EIF4E3: variants seen among roughly 807,000 people sequenced by gnomAD.
EIF4E3 encodes eukaryotic translation initiation factor 4E family member 3.
EIF4E3 carries 26 observed loss-of-function variants against 31.7 expected under a neutral mutation model. The ratio of observed to expected loss-of-function variants is 0.82; its 90% CI spans 0.60 to 1.14. EIF4E3 has a LOEUF of 1.14. Among genes scored for constraint, EIF4E3 ranks in the 50% most tolerant of loss-of-function variants. The pLI is 0.00. For missense variants in EIF4E3, 304 were observed against 270.9 expected, an observed-to-expected ratio of 1.12 and a Z score of -0.86; for synonymous variants, 128 against 107.7, an observed-to-expected ratio of 1.19 and a Z score of -1.17.
chr3:71,734,372 G>A (rs2049739829), intron 1 of EIF4E3, among the ~76,000 whole-genome samples: 2 of 152,072 alleles, frequency 1.3e-5, no homozygotes, highest in East Asian at 3.8e-4. Context: ...AAACCTACCA[G>A]GTCACTCAGA....
intron 4 of EIF4E3, 87 bp downstream of exon 4, chr3:71,696,373 G>C (rs1469734749): frequency 4.8e-6 from 7 of 1,454,440 alleles, no homozygotes; most frequent in Non-Finnish European, 6.7e-6. Context: ...AGGTAAATAG[G>C]CTATCTGCAA....
chr3:71,733,114 G>A (rs887242865), intron 1 of EIF4E3, among the ~76,000 whole-genome samples: 1 of 152,186 alleles, frequency 6.6e-6, no homozygotes, highest in African/African-American at 2.4e-5. Context: ...GTGAACAACT[G>A]TCCCAATTTG....
chr3:71,719,185 T>C lies in EIF4E3; in HGVS notation c.176+6007A>G, dbSNP rs1205579905. ...ATTGATACTACTGAAACATTCAGCA[T>C]GTGAGATATCCCTCCTGCGAGGACA... On this transcript the variant is annotated intron_variant, in intron 1 of 6. Transcript: ENST00000425534. Among the ~76,000 whole-genome samples, 5 of 152,344 alleles carry C rather than the reference T, an allele frequency of 3.3e-5. No homozygotes were observed. In the East Asian group the frequency reaches 7.7e-4, roughly 23 times the overall value.
intron 6 of EIF4E3, among the ~76,000 whole-genome samples, chr3:71,685,431 C>T (rs2048978603): frequency 6.6e-6 from 1 of 152,158 alleles, no homozygotes; most frequent in Admixed American, 6.5e-5. Flanking sequence ...GCAATCTTGG[C>T]TCACTGCAAC....
At chr3:71,709,047 G>C (rs1213699944) in intron 2 of EIF4E3, among the ~76,000 whole-genome samples, 4 of 151,954 alleles carry the variant, frequency 2.6e-5, no homozygotes, top group Non-Finnish European at 5.9e-5. Flanking sequence ...TCATAATTAT[G>C]CATGCCACAT....
chr3:71,690,192 A>C, intron 5 of EIF4E3, 27 bp from the exon 6 acceptor site: 1 of 1,590,146 alleles, frequency 6.3e-7, no homozygotes, highest in African/African-American at 1.4e-5. Context: ...AAAAAAAAAA[A>C]ATGAGTGATA....
chr3:71,661,284 A>G, the EIF4E3 span, among the ~76,000 whole-genome samples: 1 of 152,166 alleles, frequency 6.6e-6, no homozygotes, highest in African/African-American at 2.4e-5. Flanking sequence ...GGGAAGGAAC[A>G]GCAAGGTTAA....
In EIF4E3 at chr3:71,681,957, C is replaced by A. The variant is rs1047603777; in HGVS notation, c.*2725G>T. 1 of 152,048 alleles carries A rather than the reference C, an allele frequency of 6.6e-6. No homozygotes were observed. The highest frequency in any genetic ancestry group is 2.4e-5 in the African/African-American group (1 of 41,372). 9.4% of individuals were successfully genotyped at this position (152,048 alleles called of 1,614,324 possible). The stretch of plus-strand genomic sequence containing the variant: ...TAACAGCAATATTATATTAAATGTA[C>A]ATGTTTGCAGTAAATTACACCCTCA... On this transcript the variant is annotated 3_prime_UTR_variant, in exon 7 of 7. Transcript: ENST00000425534.
chr3:71,689,531 A>G (rs1402658896), intron 6 of EIF4E3, among the ~76,000 whole-genome samples: 1 of 152,238 alleles, frequency 6.6e-6, no homozygotes, highest in African/African-American at 2.4e-5. Flanking sequence ...AGTCATTCAT[A>G]ATGAGGAAGT....
At chr3:71,720,873 T>A (rs575832242) in intron 1 of EIF4E3, among the ~76,000 whole-genome samples, 2 of 152,206 alleles carry the variant, frequency 1.3e-5, no homozygotes, top group African/African-American at 4.8e-5. Context: ...TAGACTTGGA[T>A]CAAGTTTTCC....
chr3:71,670,518 T>C (rs1363982577), downstream of EIF4E3, among the ~76,000 whole-genome samples: 1 of 152,158 alleles, frequency 6.6e-6, no homozygotes, highest in Non-Finnish European at 1.5e-5. Flanking sequence ...TTCCTACAAG[T>C]ACGACTTAGG....
intron 1 of EIF4E3, among the ~76,000 whole-genome samples, chr3:71,731,461 A>G (rs1459273274): frequency 6.6e-6 from 1 of 152,000 alleles, no homozygotes; most frequent in Non-Finnish European, 1.5e-5. Flanking sequence ...TATTTTTTTC[A>G]GTGCACGTGT....
Position 71,740,251 on chromosome 3 carries a change from C to T in EIF4E3, c.-290-11628G>A, listed in dbSNP as rs186751283. On this transcript the variant is annotated intron_variant, in intron 1 of 7. Transcript: ENST00000295612. ...ATTTAAATCTTACCATATTAATATT[C>T]GCATTAAATGTACAGTTTAAATATT... Among the ~76,000 whole-genome samples, 31 of 152,160 alleles carry T rather than the reference C, an allele frequency of 2.0e-4. No homozygotes were observed. In the East Asian group the frequency reaches 3.1e-3, roughly 15 times the overall value.
rs1477353175 is a variant in EIF4E3 at position 71,678,431 on chromosome 3, C to T, written c.*6251G>A. 6.6e-6 allele frequency: 1 copy of T among 152,086 alleles called. No homozygotes were observed. The highest frequency in any genetic ancestry group is 1.5e-5 in the Non-Finnish European group (1 of 68,002). The allele number at this position is 152,086 out of a possible 1,614,324, so 9.4% of individuals were successfully genotyped here. On this transcript the variant is annotated 3_prime_UTR_variant, in exon 7 of 7. Transcript: ENST00000425534. ...TTGCAAAACAGTCTAAACATTTGCA[C>T]TAAACACATAAATCACTACCTTTTC...
intron 1 of EIF4E3, among the ~76,000 whole-genome samples, chr3:71,740,473 C>T (rs2049808402): frequency 6.6e-6 from 1 of 152,242 alleles, no homozygotes; most frequent in South Asian, 2.1e-4. Context: ...GTGGCTCCTG[C>T]CTGCAATCCC....
chr3:71,700,612 TAAAAAAAA>T lies in EIF4E3; in HGVS notation c.250-912_250-905del. Among the ~76,000 whole-genome samples the T allele has an allele frequency of 2.4e-5, 3 of 127,344 alleles. No individual in the cohort carries two copies. In the East Asian group the frequency reaches 7.0e-4, roughly 30 times the overall value. 83.5% of individuals were successfully genotyped at this position (127,344 alleles called of 152,430 possible). A position where few individuals can be genotyped will look rare whatever the true frequency, so the allele number is the denominator to read the frequency against. On this transcript the variant is annotated intron_variant, in intron 2 of 6. Transcript: ENST00000425534. The stretch of plus-strand genomic sequence containing the variant: ...CTGGGCAACAGGGCGAGACTCCGTT[TAAAAAAAA>T]AAAAAAAAAAAAATCAACCCTGTCT...
chr3:71,754,667 C>T (rs201863309), upstream of EIF4E3: 719 of 1,501,008 alleles, frequency 4.8e-4, 4 homozygotes, highest in African/African-American at 8.5e-3. This position sits in a 1 kb window ranked among gnomAD's most constrained non-coding sequence, Gnocchi z 5.8. Flanking sequence ...GCCTGCTCTT[C>T]TTCATCCACG....
the EIF4E3 span, among the ~76,000 whole-genome samples, chr3:71,669,666 A>G: frequency 6.7e-6 from 1 of 150,016 alleles, no homozygotes; most frequent in East Asian, 2.0e-4. Flanking sequence ...ACAAGGGAAC[A>G]CTCTCAACTA....
At position 71,703,659 on chromosome 3, in the gene EIF4E3, TTCC is replaced by T. The variant is rs890063237; in HGVS notation, c.250-3954_250-3952del. ...TTCATTACCAAGAAAACTGGCAAAT[TTCC>T]TCCTCAATTTCCTACTGAAATGTTC... On this transcript the variant is annotated intron_variant, in intron 2 of 6. Transcript: ENST00000425534. Among the ~76,000 whole-genome samples the T allele has an allele frequency of 7.2e-5, 11 of 152,014 alleles. No homozygotes were observed. In the South Asian group the frequency reaches 1.2e-3, roughly 17 times the overall value.
Sources: allele counts gnomAD v4.1 joint callset (sites outside exome capture counted in the v4.1 genomes callset), GRCh38; gene constraint gnomAD v4.1.1; non-coding constraint Gnocchi (gnomAD v3.1); transcripts MANE v1.5; gene names NCBI Gene and HGNC (gene_info 2026-07-23, HGNC 2026-07-21).